Variants in DLG2 observed in about 807,000 individuals in gnomAD.
DLG2 encodes discs large MAGUK scaffold protein 2, also known as disks large homolog 2.
Under a neutral mutation model 132.5 loss-of-function variants are expected in DLG2, and 45 were observed. The ratio of observed to expected loss-of-function variants is 0.34; its 90% CI spans 0.27 to 0.44. The LOEUF (loss-of-function observed/expected upper bound fraction) is 0.44, where lower values mean the gene tolerates loss of function less well. Ranked by LOEUF, DLG2 falls within the 20% of genes least tolerant of loss-of-function variation. DLG2 has a pLI of 1.00. For missense variants in DLG2, 1,045 were observed against 1,196.9 expected, an observed-to-expected ratio of 0.87 and a Z score of 1.87; for synonymous variants, 424 against 419.6, an observed-to-expected ratio of 1.01 and a Z score of -0.13.
intron 4 of DLG2, among the ~76,000 whole-genome samples, chr11:85,169,974 T>C (rs950159408): frequency 6.6e-6 from 1 of 152,184 alleles, no homozygotes; most frequent in Non-Finnish European, 1.5e-5. Context: ...ACATGTATCT[T>C]ATTTGTCCTA....
At chr11:84,164,350 C>CTT (rs2095614229) in intron 8 of DLG2, among the ~76,000 whole-genome samples, 1 of 152,182 alleles carries the variant, frequency 6.6e-6, no homozygotes, top group Non-Finnish European at 1.5e-5. Context: ...AGAAAATTCT[C>CTT]AAATCGGTTG....
At chr11:85,357,087 G>T (rs1164102282) in intron 3 of DLG2, among the ~76,000 whole-genome samples, 1 of 152,016 alleles carries the variant, frequency 6.6e-6, no homozygotes, top group East Asian at 1.9e-4. Flanking sequence ...TCAATAAATT[G>T]TAACTATTAG....
chr11:84,308,174 C>T (rs1359648858), intron 7 of DLG2, among the ~76,000 whole-genome samples: 2 of 152,096 alleles, frequency 1.3e-5, no homozygotes, highest in Non-Finnish European at 2.9e-5. Context: ...TACAGAGAGC[C>T]GAGTGGTCTG....
At chr11:84,725,390 A>T (rs906483099) in intron 6 of DLG2, among the ~76,000 whole-genome samples, 2 of 152,070 alleles carry the variant, frequency 1.3e-5, no homozygotes, top group African/African-American at 4.8e-5. Context: ...CAACCTTTAA[A>T]TCCCTTTCCC....
chr11:84,781,057 A>ATGTGTGTGTGTG (rs35479707), intron 6 of DLG2, among the ~76,000 whole-genome samples: 15 of 143,038 alleles, frequency 1.0e-4, no homozygotes, highest in South Asian at 2.3e-4. Flanking sequence ...TCATAACTTA[A>ATGTGTGTGTGTG]TGTGTGTGTG....
chr11:84,633,665 A>G (rs2099635901), intron 6 of DLG2, among the ~76,000 whole-genome samples: 2 of 151,980 alleles, frequency 1.3e-5, no homozygotes, highest in African/African-American at 4.8e-5. Flanking sequence ...ATTCTTCATT[A>G]TATATTGATA....
chr11:84,750,476 T>C (rs1238588279), intron 6 of DLG2, among the ~76,000 whole-genome samples: 4 of 152,126 alleles, frequency 2.6e-5, no homozygotes, highest in Non-Finnish European at 5.9e-5. Flanking sequence ...TTGCTGAGTT[T>C]AGAAAGAAAA....
At chr11:84,505,682 T>C (rs1244635977) in intron 7 of DLG2, among the ~76,000 whole-genome samples, 4 of 152,116 alleles carry the variant, frequency 2.6e-5, no homozygotes, top group Non-Finnish European at 5.9e-5. Context: ...ATAAAAATGG[T>C]AATCATTATT....
chr11:85,624,290 C>T (rs949896806), intron 2 of DLG2, among the ~76,000 whole-genome samples: 1 of 152,160 alleles, frequency 6.6e-6, no homozygotes, highest in Non-Finnish European at 1.5e-5. Context: ...CAATTCCCAC[C>T]ATGGTTGCAT....
intron 6 of DLG2, among the ~76,000 whole-genome samples, chr11:84,711,009 GATATATATATATATATATATAT>G (rs367922564): frequency 3.4e-5 from 3 of 89,094 alleles, no homozygotes; most frequent in Admixed American, 1.1e-4. Context: ...TATATATATA[GATATATATATATATATATATAT>G]AGAGCTGAAA....
chr11:84,139,360 T>C (rs200690683), intron 9 of DLG2, among the ~76,000 whole-genome samples: 2 of 152,004 alleles, frequency 1.3e-5, no homozygotes, highest in African/African-American at 4.8e-5. Context: ...ATCAGGAGCA[T>C]TGCCAGAGGG....
intron 6 of DLG2, among the ~76,000 whole-genome samples, chr11:84,624,005 C>T (rs1318197592): frequency 6.6e-6 from 1 of 152,102 alleles, no homozygotes; most frequent in Admixed American, 6.5e-5. Context: ...ATAATATGTA[C>T]TCAGGGATTA....
At chr11:85,211,658 A>G (rs1378863386) in intron 4 of DLG2, among the ~76,000 whole-genome samples, 1 of 152,154 alleles carries the variant, frequency 6.6e-6, no homozygotes, top group Non-Finnish European at 1.5e-5. Flanking sequence ...TGAACCAGAT[A>G]AATTATTGGA....
Position 83,616,429 on chromosome 11 carries a change from G to A in DLG2, c.1940+16782C>T, listed in dbSNP as rs999287208. On this transcript the variant is annotated intron_variant, in intron 19 of 27. Coordinates refer to ENST00000376104, the MANE Select transcript of DLG2 (RefSeq NM_001142699.3). ...CATTCTGGGAGTACCACCATTTCAT[G>A]TGAATTGACCGTTTTACATATCCTC... Among the ~76,000 whole-genome samples the A allele has an allele frequency of 5.9e-5, 9 of 152,036 alleles. No individual in the cohort carries two copies. In the East Asian group the frequency reaches 9.6e-4, roughly 16 times the overall value.
intron 6 of DLG2, among the ~76,000 whole-genome samples, chr11:84,605,591 C>CAA (rs11323561): frequency 1.7e-4 from 20 of 118,108 alleles, no homozygotes; most frequent in South Asian, 5.3e-4. Context: ...TAATCCTCTG[C>CAA]AAAAAAAAAA....
intron 8 of DLG2, among the ~76,000 whole-genome samples, chr11:84,204,983 C>T (rs982821923): frequency 2.6e-5 from 4 of 152,248 alleles, no homozygotes; most frequent in African/African-American, 4.8e-5. Flanking sequence ...GGATTACAGG[C>T]GTGAGTCACC....
At chr11:84,394,224 T>A (rs1213325042) in intron 7 of DLG2, among the ~76,000 whole-genome samples, 1 of 152,172 alleles carries the variant, frequency 6.6e-6, no homozygotes. Context: ...ATAAAATATA[T>A]GTTCATTTAG....
intron 4 of DLG2, among the ~76,000 whole-genome samples, chr11:85,188,058 T>G (rs752307120): frequency 3.9e-5 from 6 of 152,162 alleles, no homozygotes; most frequent in Non-Finnish European, 5.9e-5. Context: ...TGTCCCTGGC[T>G]GAATATAATC....
At chr11:85,072,564 T>G (rs1372767474) in intron 6 of DLG2, among the ~76,000 whole-genome samples, 1 of 151,884 alleles carries the variant, frequency 6.6e-6, no homozygotes, top group Non-Finnish European at 1.5e-5. Context: ...CCAAGGGCTT[T>G]AAATACATTT....
Sources: allele counts gnomAD v4.1 joint callset (sites outside exome capture counted in the v4.1 genomes callset), GRCh38; gene constraint gnomAD v4.1.1; transcripts MANE v1.5; gene names NCBI Gene and HGNC (gene_info 2026-07-23, HGNC 2026-07-21).